The following FREM2 variants were observed in gnomAD, a reference collection of about 807,000 sequenced individuals.
The protein encoded by FREM2 is FRAS1-related extracellular matrix protein 2.
Under a neutral mutation model 219.9 loss-of-function variants are expected in FREM2, and 119 were observed. The observed-to-expected ratio is 0.54, with a 90% confidence interval of 0.47 to 0.63. The LOEUF (loss-of-function observed/expected upper bound fraction) is 0.63. Among genes scored for constraint, FREM2 ranks in the 30% least tolerant of loss-of-function variants. The pLI, the probability that FREM2 is intolerant of heterozygous loss-of-function variation, is 0.00. For synonymous variants in FREM2, 1,562 were observed against 1,522.8 expected, an observed-to-expected ratio of 1.03 and a Z score of -0.60; for missense variants, 4,030 against 3,993.6, an observed-to-expected ratio of 1.01 and a Z score of -0.25.
intron 2 of FREM2, among the ~76,000 whole-genome samples, chr13:38,736,949 C>A (rs570188498): frequency 4.6e-5 from 7 of 151,932 alleles, no homozygotes; most frequent in African/African-American, 1.7e-4. Flanking sequence ...TTGGCAGTCT[C>A]CCTGGCTCAA....
intron 4 of FREM2, among the ~76,000 whole-genome samples, chr13:38,779,102 G>T (rs1038507762): frequency 6.6e-6 from 1 of 151,852 alleles, no homozygotes; most frequent in Non-Finnish European, 1.5e-5. Context: ...AAATAAACCG[G>T]CATTCTCAGC....
intron 2 of FREM2, among the ~76,000 whole-genome samples, chr13:38,744,343 T>TGGG (rs925486814): frequency 3.8e-4 from 58 of 151,540 alleles, no homozygotes; most frequent in African/African-American, 1.4e-3. Flanking sequence ...CCCTAGTAGC[T>TGGG]GGGAGTACTG....
intron 2 of FREM2, among the ~76,000 whole-genome samples, chr13:38,728,077 G>C (rs576949277): frequency 6.6e-6 from 1 of 152,160 alleles, no homozygotes; most frequent in East Asian, 1.9e-4. Flanking sequence ...GATATATTTA[G>C]ATCAATGAGG....
intron 2 of FREM2, among the ~76,000 whole-genome samples, chr13:38,724,164 T>C (rs1478267608): frequency 6.6e-6 from 1 of 152,096 alleles, no homozygotes; most frequent in Non-Finnish European, 1.5e-5. Flanking sequence ...CTAAAACTAG[T>C]TGGGGATGGC....
rs1318191276 is a variant in FREM2, at chr13:38,687,514, C to A, written c.170C>A (p.Ser57Tyr). The change falls in exon 1 of 24, where the codon TCC (serine) becomes TAC (tyrosine). Residue 57 changes from serine to tyrosine, a missense_variant. Physicochemically the swap from Ser to Tyr is moderately radical, Grantham distance 144. Transcript: ENST00000280481. ...QPAAFGRALL[S>Y]PGLAGAAGVP... Reference sequence around the variant, plus strand: ...GCTGCCTTCGGCAGGGCGTTGCTGTCCCCTGGTCTCGCGGGGGCTGCAGGG... The same window carrying A: ...GCTGCCTTCGGCAGGGCGTTGCTGTACCCTGGTCTCGCGGGGGCTGCAGGG... The A allele has an allele frequency of 2.5e-6, 4 of 1,596,754 alleles. No individual in the cohort carries two copies. Among genetic ancestry groups the A allele is most frequent in the East Asian group, 4.5e-5 (2 of 44,322 alleles).
chr13:38,754,367 G>A (rs915844622), intron 2 of FREM2, among the ~76,000 whole-genome samples: 2 of 152,060 alleles, frequency 1.3e-5, no homozygotes, highest in Non-Finnish European at 2.9e-5. Flanking sequence ...CTTTCCAATA[G>A]CACTAATTTA....
rs776270680 is a variant in FREM2, at chr13:38,691,357, C to A, written c.4013C>A (p.Ser1338Tyr). Residue 1338 changes from serine to tyrosine, a missense_variant, in exon 1 of 24, where the codon TCT becomes TAT. By Grantham distance (144) the Ser-to-Tyr change is moderately radical. Around this residue, in one of 2 missense-constraint regions of FREM2, gnomAD observed 3,102 missense variants for 2,950.7 expected, o/e 1.05. Coordinates refer to ENST00000280481, the MANE Select transcript of FREM2 (RefSeq NM_207361.6). ...ACAGATTTAGATTCAGAAGACAAAT[C>A]TTTGGTTTATATTATTCGTTATGGG... Reference protein sequence around the residue: ...MATDLDSEDKSLVYIIRYGPG... With the variant: ...MATDLDSEDKYLVYIIRYGPG... 2 of 1,613,836 alleles carry A rather than the reference C, an allele frequency of 1.2e-6. No homozygotes were observed. Among genetic ancestry groups the A allele is most frequent in the East Asian group, 2.2e-5 (1 of 44,884 alleles).
rs142650433 is a variant in FREM2 at position 38,757,951 on chromosome 13, A to G, written c.5264-6353A>G. ...TATTTGTTTGTGCTGCCTCATTTTC[A>G]GAATGTGTTAGGCAATGGAAATGGT... is the stretch of plus-strand genomic sequence containing the variant. On this transcript the variant is annotated intron_variant, in intron 2 of 23. Transcript: ENST00000280481. Among the ~76,000 whole-genome samples, 38 of 152,280 alleles carry G rather than the reference A, an allele frequency of 2.5e-4. No individual in the cohort carries two copies. The East Asian group carries it at 7.3e-3, about 29-fold the overall frequency.
intron 2 of FREM2, among the ~76,000 whole-genome samples, chr13:38,707,023 A>G (rs1267993310): frequency 6.6e-6 from 1 of 152,232 alleles, no homozygotes; most frequent in African/African-American, 2.4e-5. Flanking sequence ...ATTTGTATAA[A>G]TGAGAAAAAA....
intron 2 of FREM2, among the ~76,000 whole-genome samples, chr13:38,714,232 A>G (rs916716662): frequency 1.3e-5 from 2 of 152,248 alleles, no homozygotes; most frequent in Non-Finnish European, 2.9e-5. Context: ...TATCTGCTGT[A>G]TTAAACCTGT....
In FREM2 at chr13:38,688,305, A is replaced by T. The variant is rs776676217; in HGVS notation, c.961A>T (p.Ser321Cys). The T allele has an allele frequency of 6.2e-7, 1 of 1,614,144 alleles. No homozygotes were observed. Among genetic ancestry groups the T allele is most frequent in the Non-Finnish European group, 8.5e-7 (1 of 1,180,020 alleles). The change falls in exon 1 of 24, where the codon AGT becomes TGT. Residue 321 changes from serine (S) to cysteine (C), a missense_variant. Ser to Cys is a moderately radical substitution (Grantham distance 112). Coordinates refer to ENST00000280481, the MANE Select transcript of FREM2 (RefSeq NM_207361.6). ...GGCCGAGAACACTGCACCCAAGCCCAGTTTCGTGGCCATGATGATGATGGA... is the reference window on the plus strand; with the variant it reads ...GGCCGAGAACACTGCACCCAAGCCCTGTTTCGTGGCCATGATGATGATGGA... Reference protein sequence around the residue: ...GGAENTAPKPSFVAMMMMEVD... With the variant: ...GGAENTAPKPCFVAMMMMEVD...
rs1877386866 is a variant in FREM2 at position 38,851,902 on chromosome 13, T to C, written c.6925+34T>C. On this transcript the variant is annotated intron_variant, in intron 11 of 23. Coordinates refer to ENST00000280481, the MANE Select transcript of FREM2 (RefSeq NM_207361.6). ...CTCCCAGGGCCTGTCTCCTGATGGATCATGCCAACTCTGTGTTTCAGTGCC... is the reference window on the plus strand; with the variant it reads ...CTCCCAGGGCCTGTCTCCTGATGGACCATGCCAACTCTGTGTTTCAGTGCC... The C allele has an allele frequency of 1.9e-6, 3 of 1,570,748 alleles. No individual in the cohort carries two copies. The South Asian group carries it at 3.3e-5, about 17-fold the overall frequency.
chr13:38,801,954 A>G (rs1349986127), intron 6 of FREM2, among the ~76,000 whole-genome samples: 4 of 152,188 alleles, frequency 2.6e-5, no homozygotes, highest in African/African-American at 2.4e-5. Context: ...GCACGCACAT[A>G]TGGGTAGATG....
intron 11 of FREM2, among the ~76,000 whole-genome samples, chr13:38,852,139 C>A (rs1328258995): frequency 6.6e-6 from 1 of 152,262 alleles, no homozygotes; most frequent in Admixed American, 6.5e-5. Flanking sequence ...CTGCCACTCC[C>A]CCACCCTCCC....
intron 6 of FREM2, among the ~76,000 whole-genome samples, chr13:38,819,363 G>A (rs935283926): frequency 2.9e-4 from 44 of 152,092 alleles, no homozygotes; most frequent in African/African-American, 1.1e-3. Flanking sequence ...TACCAGAAAA[G>A]GCAAAGGCTC....
In FREM2 at chr13:38,856,185, G is replaced by T; in HGVS notation, c.6985G>T (p.Gly2329Trp). 2 of 1,611,768 alleles carry T rather than the reference G, an allele frequency of 1.2e-6. No individual in the cohort carries two copies. The highest frequency in any genetic ancestry group is 1.7e-6 in the Non-Finnish European group (2 of 1,178,010). The change falls in exon 12 of 24, where the codon GGG (glycine) becomes TGG (tryptophan). Residue 2329 changes from glycine (G) to tryptophan (W), a missense_variant. This residue lies in a region of FREM2 where 3,102 missense variants were observed against 2,950.7 expected (regional missense o/e 1.05). Coordinates refer to ENST00000280481, the MANE Select transcript of FREM2 (RefSeq NM_207361.6). ...HVVEIEVTFD[G>W]VREMREAFTV... ...GGTTGAAATCGAAGTTACCTTTGACGGGGTGAGAGAGATGAGAGAGGCCTT... is the reference window on the plus strand; with the variant it reads ...GGTTGAAATCGAAGTTACCTTTGACTGGGTGAGAGAGATGAGAGAGGCCTT...
At chr13:38,794,423 C>T (rs1223971297) in intron 6 of FREM2, among the ~76,000 whole-genome samples, 1 of 152,100 alleles carries the variant, frequency 6.6e-6, no homozygotes, top group Non-Finnish European at 1.5e-5. Flanking sequence ...CTGTTGCTTA[C>T]TAAAAGATTT....
At chr13:38,806,325 A>G (rs753706921) in intron 6 of FREM2, among the ~76,000 whole-genome samples, 6 of 151,962 alleles carry the variant, frequency 3.9e-5, no homozygotes, top group Non-Finnish European at 7.4e-5. Flanking sequence ...GATTAAAAGA[A>G]AAGCAAATTT....
rs767415605 is a variant in FREM2 at position 38,691,899 on chromosome 13, T to C, written c.4555T>C (p.Phe1519Leu). 1 of 1,614,184 alleles carries C rather than the reference T, an allele frequency of 6.2e-7. No homozygotes were observed. Among genetic ancestry groups the C allele is most frequent in the Non-Finnish European group, 8.5e-7 (1 of 1,180,040 alleles). The change falls in exon 1 of 24, where the codon TTT becomes CTT. Residue 1519 changes from phenylalanine to leucine, a missense_variant. Phe to Leu is a conservative substitution (Grantham distance 22). Coordinates refer to ENST00000280481, the MANE Select transcript of FREM2 (RefSeq NM_207361.6). Reference protein sequence around the residue: ...FQVTDGRNPVFRTFRISISDV... With the variant: ...FQVTDGRNPVLRTFRISISDV... ...AGTCACCGATGGACGTAACCCTGTC[T>C]TTCGGACATTCCGTATCTCCATTAG...
Sources: allele counts gnomAD v4.1 joint callset (sites outside exome capture counted in the v4.1 genomes callset), GRCh38; gene constraint gnomAD v4.1.1; regional missense constraint gnomAD v4.1.1; transcripts MANE v1.5; gene names NCBI Gene and HGNC (gene_info 2026-07-23, HGNC 2026-07-21).